TMEM150A: variants seen among roughly 807,000 people sequenced by gnomAD.
TMEM150A encodes transmembrane protein 150A.
TMEM150A carries 18 observed loss-of-function variants against 29.8 expected under a neutral mutation model. The observed-to-expected ratio is 0.60, with a 90% CI of 0.42 to 0.90. The LOEUF (loss-of-function observed/expected upper bound fraction) is 0.90. Ranked by LOEUF, TMEM150A falls within the 40% of genes least tolerant of loss-of-function variation. TMEM150A has a pLI of 0.00. For missense variants in TMEM150A, 251 were observed against 349.7 expected (o/e 0.72, Z 2.25); for synonymous variants, 127 against 143.6 (o/e 0.88, Z 0.83).
In TMEM150A at chr2:85,602,682, G is replaced by A. The variant is rs1202037229; in HGVS notation, c.-192C>T. ...GCCGACTCTAGCTGCGGCCCTCGGA[G>A]CAGCCCTGAAAGGTTTAAAGGGCCG... On this transcript the variant is annotated 5_prime_UTR_variant, in exon 1 of 8. Coordinates refer to ENST00000334462, the MANE Select transcript of TMEM150A (RefSeq NM_001031738.3). This position sits in a 1 kb window ranked among gnomAD's most constrained non-coding sequence, Gnocchi z 5.6. 1 of 152,674 alleles carries A rather than the reference G, an allele frequency of 6.5e-6. No homozygotes were observed. The highest frequency in any genetic ancestry group is 1.5e-5 in the Non-Finnish European group (1 of 68,488). 9.5% of individuals were successfully genotyped at this position (152,674 alleles called of 1,614,324 possible). A position where few individuals can be genotyped will look rare whatever the true frequency, so the allele number is the denominator to read the frequency against.
At chr2:85,600,454 G>C (rs1394430335) in intron 4 of TMEM150A, 42 bp from the exon 5 acceptor site, 3 of 1,536,254 alleles carry the variant, frequency 2.0e-6, no homozygotes, top group Admixed American at 1.7e-5. Context: ...GGTGCAGGAG[G>C]CCCGGGGGGC....
In TMEM150A at chr2:85,599,663, C is replaced by G; in HGVS notation, c.436G>C (p.Val146Leu). ...AAGAGCAGCCCCGCAGGGAAGGCCA[C>G]GCCAGCTCCAACGTAGTGCAGAGAC... ...ARSLHYVGAGVAFPAGLLFVC... is the reference protein window; with the variant it reads ...ARSLHYVGAGLAFPAGLLFVC... The change falls in exon 7 of 8, where the codon GTG becomes CTG. Residue 146 changes from valine (V) to leucine (L), a missense_variant. Transcript: ENST00000334462. The surrounding 1 kb of genome is among the most constrained non-coding windows in gnomAD (Gnocchi z 6.0). 6.2e-7 allele frequency: 1 copy of G among 1,613,588 alleles called. No individual in the cohort carries two copies. The highest frequency in any genetic ancestry group is 8.5e-7 in the Non-Finnish European group (1 of 1,179,986).
In TMEM150A at chr2:85,602,248, G is replaced by A. The variant is rs1673014401; in HGVS notation, c.-116-184C>T. On this transcript the variant is annotated intron_variant, in intron 1 of 7. Transcript: ENST00000334462. The surrounding 1 kb of genome is among the most constrained non-coding windows in gnomAD (Gnocchi z 5.6). The stretch of plus-strand genomic sequence containing the variant: ...CTCCGCGGTCAACCCAAATGCCACC[G>A]GCGTGCTGAGAGACGCAGGCGGACC... 3.0e-6 allele frequency: 1 copy of A among 328,132 alleles called. No individual in the cohort carries two copies. The highest frequency in any genetic ancestry group is 6.4e-5 in the East Asian group (1 of 15,682). The allele number at this position is 328,132 out of a possible 1,614,324, so 20.3% of individuals were successfully genotyped here. A position where few individuals can be genotyped will look rare whatever the true frequency, so the allele number is the denominator to read the frequency against.
In TMEM150A at chr2:85,601,699, G is replaced by T; in HGVS notation, c.65+185C>A. 2 of 875,988 alleles carry T rather than the reference G, an allele frequency of 2.3e-6. No homozygotes were observed. The highest frequency in any genetic ancestry group is 3.6e-6 in the Non-Finnish European group (2 of 548,072). 54.3% of individuals were successfully genotyped at this position (875,988 alleles called of 1,614,324 possible). A position where few individuals can be genotyped will look rare whatever the true frequency, so the allele number is the denominator to read the frequency against. ...AATTGCCCTGGCTAGAAGTATATTT[G>T]TCAGGGCCACCCTGCTGGACAGCAG... On this transcript the variant is annotated intron_variant, in intron 2 of 7. Coordinates refer to ENST00000334462, the MANE Select transcript of TMEM150A (RefSeq NM_001031738.3). The surrounding 1 kb of genome is among the most constrained non-coding windows in gnomAD (Gnocchi z 4.0).
Position 85,601,867 on chromosome 2 carries a change from C to A in TMEM150A, c.65+17G>T, listed in dbSNP as rs1413572821. On this transcript the variant is annotated intron_variant, in intron 2 of 7. Transcript: ENST00000334462. This position sits in a 1 kb window ranked among gnomAD's most constrained non-coding sequence, Gnocchi z 4.0. Reference sequence around the variant, plus strand: ...CATCAAGCTCCTGTTGCCCCCCGGGCACCCCCCTTTACTCACACAGTCCAT... The same window carrying A: ...CATCAAGCTCCTGTTGCCCCCCGGGAACCCCCCTTTACTCACACAGTCCAT... 1 of 1,613,290 alleles carries A rather than the reference C, an allele frequency of 6.2e-7. No individual in the cohort carries two copies. The highest frequency in any genetic ancestry group is 8.5e-7 in the Non-Finnish European group (1 of 1,179,526).
At chr2:85,600,463 G>A (rs767766995) in intron 4 of TMEM150A, 51 bp from the exon 5 acceptor site, 2 of 1,498,990 alleles carry the variant, frequency 1.3e-6, no homozygotes, top group East Asian at 2.3e-5. Flanking sequence ...GGCCCGGGGG[G>A]CCCCCATTTT....
chr2:85,602,342 G>C lies in TMEM150A; in HGVS notation c.-117+265C>G, dbSNP rs1673019568. On this transcript the variant is annotated intron_variant, in intron 1 of 7. Coordinates refer to ENST00000334462, the MANE Select transcript of TMEM150A (RefSeq NM_001031738.3). This position sits in a 1 kb window ranked among gnomAD's most constrained non-coding sequence, Gnocchi z 5.6. ...CTGGGAGAAGGGCTGGACAACCGAA[G>C]AGGCCACGCCAAGGAGAGGCTGGGT... 1 of 161,806 alleles carries C rather than the reference G, an allele frequency of 6.2e-6. No individual in the cohort carries two copies. Among genetic ancestry groups the C allele is most frequent in the Non-Finnish European group, 1.4e-5 (1 of 73,804 alleles). 10.0% of individuals were successfully genotyped at this position (161,806 alleles called of 1,614,324 possible).
rs1250239750 is a variant in TMEM150A at position 85,599,663 on chromosome 2, C to T, written c.436G>A (p.Val146Met). 1.1e-5 allele frequency: 18 copies of T among 1,613,470 alleles called. No individual in the cohort carries two copies. The highest frequency in any genetic ancestry group is 2.2e-5 in the East Asian group (1 of 44,894). The change falls in exon 7 of 8, where the codon GTG becomes ATG. Residue 146 changes from valine to methionine, a missense_variant. Coordinates refer to ENST00000334462, the MANE Select transcript of TMEM150A (RefSeq NM_001031738.3). The surrounding 1 kb of genome is among the most constrained non-coding windows in gnomAD (Gnocchi z 6.0). The stretch of plus-strand genomic sequence containing the variant: ...AAGAGCAGCCCCGCAGGGAAGGCCA[C>T]GCCAGCTCCAACGTAGTGCAGAGAC... ...ARSLHYVGAG[V>M]AFPAGLLFVC...
intron 5 of TMEM150A, 60 bp from the exon 6 acceptor site, chr2:85,600,078 G>A: frequency 3.1e-6 from 5 of 1,597,576 alleles, no homozygotes; most frequent in Non-Finnish European, 3.4e-6. Flanking sequence ...CAGCGAGCCT[G>A]TCAGCTTCCC....
intron 4 of TMEM150A, chr2:85,600,676 G>T: frequency 1.8e-6 from 1 of 558,140 alleles, no homozygotes; most frequent in Admixed American, 3.2e-5. Context: ...CGGCTGGTTT[G>T]GCTATCCTTG....
Position 85,598,924 on chromosome 2 carries a change from ACAGGTGGGCATGGGATGGCCACTTCTC to A in TMEM150A, c.*125_*151del. 8.7e-7 allele frequency: 1 copy of A among 1,150,584 alleles called. No individual in the cohort carries two copies. The highest frequency in any genetic ancestry group is 1.6e-5 in the African/African-American group (1 of 64,298). 71.3% of individuals were successfully genotyped at this position (1,150,584 alleles called of 1,614,324 possible). A position where few individuals can be genotyped will look rare whatever the true frequency, so the allele number is the denominator to read the frequency against. ...CTGGCAGGGCCCACTCCTCCATGGC[ACAGGTGGGCATGGGATGGCCACTTCTC>A]CAGAAGTGAGGAAGCCCAGATCCCA... On this transcript the variant is annotated 3_prime_UTR_variant, in exon 8 of 8. Transcript: ENST00000334462.
At position 85,598,863 on chromosome 2, in the gene TMEM150A, C is replaced by T. The variant is rs1047362623; in HGVS notation, c.*213G>A. On this transcript the variant is annotated 3_prime_UTR_variant, in exon 8 of 8. Transcript: ENST00000334462. ...GTGACCTTTAAAAACAAAACGACAC[C>T]GTGGGGTGGGGAAGCAGGTCATGCA... The T allele has an allele frequency of 4.6e-5, 31 of 680,088 alleles. No homozygotes were observed. Among genetic ancestry groups the T allele is most frequent in the South Asian group, 1.4e-4 (7 of 50,830 alleles). 42.1% of individuals were successfully genotyped at this position (680,088 alleles called of 1,614,324 possible).
chr2:85,600,297 G>A (rs1434380007), intron 5 of TMEM150A, 48 bp downstream of exon 5: 1 of 1,601,584 alleles, frequency 6.2e-7, no homozygotes, highest in South Asian at 1.1e-5. Context: ...TTCTGTGTGG[G>A]GATCACTGGG....
At chr2:85,600,497 T>C in intron 4 of TMEM150A, 85 bp from the exon 5 acceptor site, 2 of 919,676 alleles carry the variant, frequency 2.2e-6, no homozygotes, top group South Asian at 2.7e-5. Flanking sequence ...TCCCCTGCTT[T>C]ACCTGCACCT....
In TMEM150A at chr2:85,599,805, C is replaced by A; in HGVS notation, c.396+86G>T. The A allele has an allele frequency of 1.2e-6, 2 of 1,605,254 alleles. No homozygotes were observed. Among genetic ancestry groups the A allele is most frequent in the Middle Eastern group, 2.1e-4 (1 of 4,860 alleles). Reference sequence around the variant, plus strand: ...TCCCTCTTCCTTCCTCTCCCTCTTTCCAGCCCCAACCTTGAGGTGCCACAC... The same window carrying A: ...TCCCTCTTCCTTCCTCTCCCTCTTTACAGCCCCAACCTTGAGGTGCCACAC... On this transcript the variant is annotated intron_variant, in intron 6 of 7. Coordinates refer to ENST00000334462, the MANE Select transcript of TMEM150A (RefSeq NM_001031738.3). The surrounding 1 kb of genome is among the most constrained non-coding windows in gnomAD (Gnocchi z 6.0).
chr2:85,599,761 C>G lies in TMEM150A; in HGVS notation c.397-59G>C, dbSNP rs1023219924. On this transcript the variant is annotated intron_variant, in intron 6 of 7. Coordinates refer to ENST00000334462, the MANE Select transcript of TMEM150A (RefSeq NM_001031738.3). The surrounding 1 kb of genome is among the most constrained non-coding windows in gnomAD (Gnocchi z 6.0). ...CCATGGCCCCACCTCTCCACCCCTC[C>G]TTCAATGAATCTCCTCTCTCCCTCT... 4.4e-6 allele frequency: 7 copies of G among 1,592,398 alleles called. No homozygotes were observed. Among genetic ancestry groups the G allele is most frequent in the Non-Finnish European group, 6.0e-6 (7 of 1,168,504 alleles).
Position 85,599,871 on chromosome 2 carries a change from C to T in TMEM150A, c.396+20G>A, listed in dbSNP as rs762506966. ...CTTGTTAGGTAAAGTTTAAGGTTTG[C>T]AGGGGAGAAGGGGAAGCACCTGAAA... On this transcript the variant is annotated intron_variant, in intron 6 of 7. Transcript: ENST00000334462. The surrounding 1 kb of genome is among the most constrained non-coding windows in gnomAD (Gnocchi z 6.0). 21 of 1,612,980 alleles carry T rather than the reference C, an allele frequency of 1.3e-5. No homozygotes were observed. Among genetic ancestry groups the T allele is most frequent in the Non-Finnish European group, 1.7e-5 (20 of 1,180,020 alleles).
At position 85,601,828 on chromosome 2, in the gene TMEM150A, G is replaced by C; in HGVS notation, c.65+56C>G. ...CCACCGTGGCTATGACAGGACAAGA[G>C]ACTTTGTGTGCGTCATCAAGCTCCT... On this transcript the variant is annotated intron_variant, in intron 2 of 7. Transcript: ENST00000334462. This position sits in a 1 kb window ranked among gnomAD's most constrained non-coding sequence, Gnocchi z 4.0. 3.1e-6 allele frequency: 5 copies of C among 1,594,954 alleles called. No homozygotes were observed. The highest frequency in any genetic ancestry group is 4.3e-6 in the Non-Finnish European group (5 of 1,163,612).
chr2:85,599,299 T>C lies in TMEM150A; in HGVS notation c.593A>G (p.His198Arg). ...CCCATGTTGCAGCTGAGAACTCTCA[T>C]GGACAAAGAAGACTCCACCTAAAAC... ...TLVLSGVFFV[H>R]ESSQLQHGAA... The change falls in exon 8 of 8, where the codon CAT (histidine) becomes CGT (arginine). Residue 198 changes from histidine to arginine, a missense_variant. Coordinates refer to ENST00000334462, the MANE Select transcript of TMEM150A (RefSeq NM_001031738.3). The surrounding 1 kb of genome is among the most constrained non-coding windows in gnomAD (Gnocchi z 6.0). 1 of 1,613,986 alleles carries C rather than the reference T, an allele frequency of 6.2e-7. No individual in the cohort carries two copies. Among genetic ancestry groups the C allele is most frequent in the Non-Finnish European group, 8.5e-7 (1 of 1,179,980 alleles).
Sources: gnomAD v4.1 joint callset for allele counts on GRCh38, gnomAD v4.1.1 for gene constraint, Gnocchi (gnomAD v3.1) non-coding constraint, MANE v1.5 for transcripts, NCBI Gene and HGNC (gene_info 2026-07-23, HGNC 2026-07-21) for gene names.